Variants in GALNT17 observed in about 807,000 individuals in gnomAD.
GALNT17 encodes the protein UDP-GalNAc:polypeptide N-acetylgalactosaminyltransferase-like 3.
In GALNT17, 29 loss-of-function variants were observed where a neutral mutation model predicts 63.7. The ratio of observed to expected loss-of-function variants is 0.46; its 90% confidence interval spans 0.34 to 0.62. The LOEUF is 0.62. Among genes scored for constraint, GALNT17 ranks in the 20% least tolerant of loss-of-function variants. GALNT17 has a pLI of 0.01. For missense variants in GALNT17, 603 were observed against 799.6 expected (o/e 0.75, Z 2.97); for synonymous variants, 305 against 318.3 (o/e 0.96, Z 0.45).
chr7:71,585,160 CAAG>C (rs1789696761), intron 6 of GALNT17, among the ~76,000 whole-genome samples: 1 of 152,062 alleles, frequency 6.6e-6, no homozygotes. Context: ...TTCTTTTTGG[CAAG>C]AACACTTTAA....
chr7:71,229,269 G>A (rs898132395), intron 1 of GALNT17, among the ~76,000 whole-genome samples: 1 of 152,202 alleles, frequency 6.6e-6, no homozygotes, highest in African/African-American at 2.4e-5. Flanking sequence ...TCAGGCCACT[G>A]CGACTTGGGA....
chr7:71,190,053 T>C (rs1034602854), intron 1 of GALNT17, among the ~76,000 whole-genome samples: 6 of 152,118 alleles, frequency 3.9e-5, no homozygotes, highest in Non-Finnish European at 1.5e-5. Flanking sequence ...CCTTGTGATC[T>C]GCCCACCTTG....
chr7:71,214,857 C>T (rs953544958), intron 1 of GALNT17, among the ~76,000 whole-genome samples: 6 of 152,270 alleles, frequency 3.9e-5, no homozygotes, highest in Admixed American at 2.6e-4. Flanking sequence ...GGATTACAGG[C>T]GTGAGCCACC....
intron 3 of GALNT17, among the ~76,000 whole-genome samples, chr7:71,391,361 C>T (rs1201944503): frequency 3.3e-5 from 5 of 152,166 alleles, no homozygotes; most frequent in African/African-American, 9.7e-5. Flanking sequence ...ATAACTCCAG[C>T]TCCTTGACCG....
intron 1 of GALNT17, among the ~76,000 whole-genome samples, chr7:71,252,651 C>T (rs1424643504): frequency 6.6e-6 from 1 of 152,052 alleles, no homozygotes; most frequent in East Asian, 1.9e-4. Flanking sequence ...GGATGCTGAC[C>T]CAGACCCATT....
At chr7:71,478,270 T>C (rs1312722886) in intron 5 of GALNT17, among the ~76,000 whole-genome samples, 3 of 152,088 alleles carry the variant, frequency 2.0e-5, no homozygotes, top group Non-Finnish European at 2.9e-5. Flanking sequence ...ACTCTCCTTA[T>C]GTTTGGAGGA....
intron 5 of GALNT17, among the ~76,000 whole-genome samples, chr7:71,478,601 C>T (rs1390248384): frequency 6.6e-6 from 1 of 152,138 alleles, no homozygotes; most frequent in East Asian, 1.9e-4. Context: ...CAGGGGTGAG[C>T]CACCGCACCC....
intron 1 of GALNT17, among the ~76,000 whole-genome samples, chr7:71,164,548 T>C (rs1033237074): frequency 9.2e-5 from 14 of 152,228 alleles, no homozygotes; most frequent in African/African-American, 3.4e-4. Flanking sequence ...CTTTCAAAAT[T>C]AAGAGAAATT....
At chr7:71,419,058 G>C (rs1468559493) in intron 4 of GALNT17, among the ~76,000 whole-genome samples, 1 of 152,168 alleles carries the variant, frequency 6.6e-6, no homozygotes, top group Non-Finnish European at 1.5e-5. Flanking sequence ...TATAGCCTGA[G>C]AGACGAGTGA....
At chr7:71,205,172 T>G (rs1485454331) in intron 1 of GALNT17, among the ~76,000 whole-genome samples, 2 of 114,582 alleles carry the variant, frequency 1.7e-5, no homozygotes, top group Non-Finnish European at 3.4e-5. Context: ...TTTTTTTTTT[T>G]GAGACAGAGT....
chr7:71,573,439 T>G (rs1256641723), intron 6 of GALNT17, among the ~76,000 whole-genome samples: 1 of 152,128 alleles, frequency 6.6e-6, no homozygotes, highest in African/African-American at 2.4e-5. Flanking sequence ...CACGCCATTC[T>G]CCCACCTCAG....
intron 2 of GALNT17, among the ~76,000 whole-genome samples, chr7:71,366,620 C>G (rs1216054738): frequency 1.3e-5 from 2 of 152,090 alleles, no homozygotes; most frequent in East Asian, 1.9e-4. Flanking sequence ...AAGCCCCAGC[C>G]CCAGATCTCT....
intron 2 of GALNT17, among the ~76,000 whole-genome samples, chr7:71,341,930 C>T (rs940532010): frequency 7.9e-5 from 12 of 152,250 alleles, no homozygotes; most frequent in African/African-American, 2.2e-4. Context: ...CCTAGAGGCT[C>T]CTGTGGATGC....
Position 71,369,772 on chromosome 7 carries a change from A to T in GALNT17, c.423-18463A>T, listed in dbSNP as rs137941317. On this transcript the variant is annotated intron_variant, in intron 2 of 10. Coordinates refer to ENST00000333538, the MANE Select transcript of GALNT17 (RefSeq NM_022479.3). Reference sequence around the variant, plus strand: ...GGTTGCAGTGAGCTGAGATCGCACCATTGCGCTCCAGCCTGGGTGACATAG... The same window carrying T: ...GGTTGCAGTGAGCTGAGATCGCACCTTTGCGCTCCAGCCTGGGTGACATAG... Among the ~76,000 whole-genome samples the T allele has an allele frequency of 4.4e-3, 625 of 142,610 alleles. 4 individuals are homozygous for T. Among genetic ancestry groups the T allele is most frequent in the African/African-American group, 0.015 (584 of 38,724 alleles). The allele number at this position is 142,610 out of a possible 152,430, so 93.6% of individuals were successfully genotyped here.
chr7:71,494,524 T>G (rs754528037), intron 5 of GALNT17, among the ~76,000 whole-genome samples: 25 of 152,020 alleles, frequency 1.6e-4, no homozygotes, highest in Non-Finnish European at 3.4e-4. Flanking sequence ...TTTTGTATTT[T>G]TTGTTTGTTT....
At chr7:71,172,238 G>T (rs1788559280) in intron 1 of GALNT17, among the ~76,000 whole-genome samples, 1 of 152,030 alleles carries the variant, frequency 6.6e-6, no homozygotes, top group Admixed American at 6.6e-5. Flanking sequence ...GGCCAAGGTG[G>T]GAGGATTGCT....
intron 5 of GALNT17, among the ~76,000 whole-genome samples, chr7:71,523,305 T>C (rs62459904): frequency 0.53 from 81,069 of 152,028 alleles, 23,441 homozygotes; most frequent in Non-Finnish European, 0.67. Flanking sequence ...GGCGCACGCC[T>C]GTGGCCCCAG....
chr7:71,665,680 C>T, intron 7 of GALNT17, 84 bp downstream of exon 7: 2 of 1,457,316 alleles, frequency 1.4e-6, no homozygotes, highest in South Asian at 1.3e-5. Context: ...ACCAATCGTT[C>T]CTCCCCAGAA....
Position 71,640,440 on chromosome 7 carries a change from A to G in GALNT17, c.1081-24971A>G, listed in dbSNP as rs543090742. On this transcript the variant is annotated intron_variant, in intron 6 of 10. Transcript: ENST00000333538. ...TGAGTCTGTAAACTTGGTCAGAAAT[A>G]TAAAATACATGTTGATGTTTCCCTA... Among the ~76,000 whole-genome samples the G allele has an allele frequency of 2.0e-5, 3 of 152,314 alleles. No individual in the cohort carries two copies. The East Asian group carries it at 5.8e-4, about 29-fold the overall frequency.
Sources: gnomAD v4.1 joint callset for allele counts (sites outside exome capture counted in the v4.1 genomes callset) on GRCh38, gnomAD v4.1.1 for gene constraint, MANE v1.5 for transcripts, NCBI Gene and HGNC (gene_info 2026-07-23, HGNC 2026-07-21) for gene names.